IGSF11: variants seen among roughly 807,000 people sequenced by gnomAD.
The protein encoded by IGSF11 is immunoglobulin superfamily member 11.
A neutral mutation model predicts 41.0 loss-of-function variants in IGSF11; 22 were observed. That is an observed-to-expected ratio of 0.54 (90% confidence interval 0.38 to 0.77). IGSF11 has a LOEUF of 0.77. IGSF11 is among the 30% of genes least tolerant of loss of function. The probability of loss-of-function intolerance (pLI) is 0.00; values close to 1 mark genes in which losing one functional copy is unlikely to be tolerated. For synonymous variants in IGSF11, 219 were observed against 201.3 expected, an observed-to-expected ratio of 1.09 and a Z score of -0.74; for missense variants, 444 against 530.8, an observed-to-expected ratio of 0.84 and a Z score of 1.61.
chr3:119,096,661 T>C (rs2076856101), intron 1 of IGSF11, among the ~76,000 whole-genome samples: 2 of 152,322 alleles, frequency 1.3e-5, no homozygotes, highest in South Asian at 4.2e-4. Context: ...GCACCTTTTC[T>C]TTATGTCCAG....
intron 1 of IGSF11, chr3:118,942,929 G>C (rs530507662): frequency 3.9e-5 from 6 of 152,272 alleles, no homozygotes; most frequent in African/African-American, 7.2e-5. Flanking sequence ...ACTGGGAGGG[G>C]AATGGAAGTT....
intron 4 of IGSF11, among the ~76,000 whole-genome samples, chr3:118,925,624 A>G (rs1352004983): frequency 1.3e-5 from 2 of 152,110 alleles, no homozygotes; most frequent in African/African-American, 4.8e-5. Context: ...GGTGTGACCA[A>G]TTCCTGGATC....
At chr3:119,023,141 A>G (rs553694103) in intron 1 of IGSF11, among the ~76,000 whole-genome samples, 8 of 152,112 alleles carry the variant, frequency 5.3e-5, no homozygotes, top group African/African-American at 1.4e-4. Flanking sequence ...TGATGCCTGT[A>G]ATCCCAGCTA....
rs148863359 is a variant in IGSF11 at position 119,118,797 on chromosome 3, T to C, written c.-13-13592A>G. ...CACCCAAGTCATCTCTTGAATGTTTTGCTGCTTAGAAACTTCTTCTGCCAG... is the reference window on the plus strand; with the variant it reads ...CACCCAAGTCATCTCTTGAATGTTTCGCTGCTTAGAAACTTCTTCTGCCAG... On this transcript the variant is annotated intron_variant, in intron 1 of 7. Transcript: ENST00000425327. Among the ~76,000 whole-genome samples, 377 of 152,352 alleles carry C rather than the reference T, an allele frequency of 2.5e-3. 1 individual carries two copies. Among genetic ancestry groups the C allele is most frequent in the Non-Finnish European group, 4.0e-3 (275 of 68,032 alleles).
intron 1 of IGSF11, among the ~76,000 whole-genome samples, chr3:119,015,222 C>T (rs763583716): frequency 2.6e-5 from 4 of 152,164 alleles, no homozygotes; most frequent in Non-Finnish European, 5.9e-5. Context: ...CTGTAAGGCA[C>T]TGTGGTATAG....
intron 1 of IGSF11, among the ~76,000 whole-genome samples, chr3:118,940,234 A>G (rs1286602035): frequency 1.3e-5 from 2 of 152,166 alleles, no homozygotes; most frequent in Non-Finnish European, 2.9e-5. Flanking sequence ...TGAAAATTTC[A>G]AAGTAAAACT....
intron 1 of IGSF11, among the ~76,000 whole-genome samples, chr3:119,074,113 T>C (rs2076451200): frequency 6.6e-6 from 1 of 152,168 alleles, no homozygotes; most frequent in South Asian, 2.1e-4. Context: ...ATTATCAAGG[T>C]AGAAAGCTAA....
intron 1 of IGSF11, among the ~76,000 whole-genome samples, chr3:119,081,073 T>C (rs1324093160): frequency 6.6e-6 from 1 of 152,180 alleles, no homozygotes; most frequent in African/African-American, 2.4e-5. Flanking sequence ...AATTGTGTAA[T>C]GTGTTGTTTC....
At chr3:118,968,586 T>G (rs1205195844) in intron 1 of IGSF11, among the ~76,000 whole-genome samples, 1 of 152,180 alleles carries the variant, frequency 6.6e-6, no homozygotes, top group East Asian at 1.9e-4. Flanking sequence ...GGGATCCTAA[T>G]TAACAACAGA....
chr3:118,948,369 T>C (rs891196535), intron 1 of IGSF11: 8 of 152,156 alleles, frequency 5.3e-5, no homozygotes, highest in Non-Finnish European at 1.2e-4. Context: ...TGTGTCTACA[T>C]GAAAACTTGA....
intron 4 of IGSF11, among the ~76,000 whole-genome samples, chr3:118,923,663 G>A (rs1050509053): frequency 3.3e-5 from 5 of 152,086 alleles, no homozygotes; most frequent in South Asian, 4.1e-4. Flanking sequence ...CAAGGTCATC[G>A]CCAAGGTCTG....
chr3:119,052,081 GAAC>G (rs1941647901), intron 1 of IGSF11, among the ~76,000 whole-genome samples: 1 of 151,888 alleles, frequency 6.6e-6, no homozygotes, highest in African/African-American at 2.4e-5. Context: ...TAGAAAAAAA[GAAC>G]AAACCAAACC....
At chr3:119,134,516 AG>A in intron 1 of IGSF11, among the ~76,000 whole-genome samples, 1 of 152,336 alleles carries the variant, frequency 6.6e-6, no homozygotes, top group East Asian at 1.9e-4. Flanking sequence ...AGGGATGTGA[AG>A]GACCTCTTCA....
chr3:119,024,984 TAAGTCA>T (rs959090737), intron 1 of IGSF11, among the ~76,000 whole-genome samples: 154 of 152,316 alleles, frequency 1.0e-3, no homozygotes, highest in African/African-American at 3.5e-3. Context: ...GTACACAGCC[TAAGTCA>T]AAGTAAGTAG....
chr3:119,042,663 C>A (rs1941164858), intron 1 of IGSF11, among the ~76,000 whole-genome samples: 1 of 152,150 alleles, frequency 6.6e-6, no homozygotes, highest in Non-Finnish European at 1.5e-5. Flanking sequence ...AGTGCCCACA[C>A]CTGATGGTTT....
intron 1 of IGSF11, among the ~76,000 whole-genome samples, chr3:119,123,505 G>T (rs140208882): frequency 6.6e-6 from 1 of 152,186 alleles, no homozygotes; most frequent in African/African-American, 2.4e-5. Context: ...GGCCTTGAGC[G>T]AACATAAGCA....
chr3:118,931,513 G>A (rs964427878), intron 1 of IGSF11, among the ~76,000 whole-genome samples: 1 of 152,064 alleles, frequency 6.6e-6, no homozygotes, highest in African/African-American at 2.4e-5. Context: ...CAACATGCAC[G>A]AGCCTCCCAA....
intron 1 of IGSF11, chr3:118,948,386 T>C (rs893317708): frequency 6.6e-6 from 1 of 152,142 alleles, no homozygotes; most frequent in African/African-American, 2.4e-5. Flanking sequence ...TTGAGACTTC[T>C]GAAAGAAGTG....
intron 1 of IGSF11, among the ~76,000 whole-genome samples, chr3:119,135,998 G>A (rs970688894): frequency 2.6e-5 from 4 of 152,178 alleles, no homozygotes; most frequent in African/African-American, 9.7e-5. Flanking sequence ...TCACTCATAG[G>A]TGGGAACTGA....
Sources: allele counts gnomAD v4.1 joint callset (sites outside exome capture counted in the v4.1 genomes callset), GRCh38; gene constraint gnomAD v4.1.1; transcripts MANE v1.5; gene names NCBI Gene and HGNC (gene_info 2026-07-23, HGNC 2026-07-21).